Variants in CFTR observed in about 807,000 individuals in gnomAD.
The protein encoded by CFTR is cystic fibrosis transmembrane conductance regulator.
In CFTR, 181 loss-of-function variants were observed where a neutral mutation model predicts 171.6. The ratio of observed to expected loss-of-function variants is 1.05; its 90% CI spans 0.93 to 1.19. CFTR has a LOEUF of 1.19. CFTR is among the 50% of genes most tolerant of loss of function. The pLI is 0.00. For missense variants in CFTR, 1,968 were observed against 1,734.7 expected, an observed-to-expected ratio of 1.13 and a Z score of -2.39; for synonymous variants, 583 against 608.0, an observed-to-expected ratio of 0.96 and a Z score of 0.60.
At chr7:117,574,888 G>T (rs180803449) in intron 11 of CFTR, among the ~76,000 whole-genome samples, 8 of 151,698 alleles carry the variant, frequency 5.3e-5, no homozygotes, top group African/African-American at 1.9e-4. Context: ...TCTTGGCTAC[G>T]GTTATCTTTT....
Position 117,592,091 on chromosome 7 carries a change from T to C in CFTR, c.1924T>C (p.Ser642Pro), listed in dbSNP as rs758401664. 3.1e-6 allele frequency: 5 copies of C among 1,613,870 alleles called. No individual in the cohort carries two copies. The highest frequency in any genetic ancestry group is 4.2e-6 in the Non-Finnish European group (5 of 1,179,928). ...CCAAAATCTACAGCCAGACTTTAGC[T>C]CAAAACTCATGGGATGTGATTCTTT... ...ELQNLQPDFS[S>P]KLMGCDSFDQ... Residue 642 changes from serine to proline, a missense_variant, in exon 14 of 27, where the codon TCA becomes CCA. Ser to Pro is a moderately conservative substitution (Grantham distance 74, BLOSUM62 -1). Coordinates refer to ENST00000003084, the MANE Select transcript of CFTR (RefSeq NM_000492.4).
Position 117,606,691 on chromosome 7 carries a change from T to C in CFTR, c.2926T>C (p.Phe976Leu). ...TATTATAGGTGGGATTCTTAATAGA[T>C]TCTCCAAAGATATAGCAATTTTGGA... ...TLKAGGILNRFSKDIAILDDL... is the reference protein window; with the variant it reads ...TLKAGGILNRLSKDIAILDDL... Residue 976 changes from phenylalanine (F) to leucine (L), a missense_variant, in exon 18 of 27, where the codon TTC becomes CTC. Coordinates refer to ENST00000003084, the MANE Select transcript of CFTR (RefSeq NM_000492.4). 1 of 1,579,028 alleles carries C rather than the reference T, an allele frequency of 6.3e-7. No homozygotes were observed. Among genetic ancestry groups the C allele is most frequent in the Non-Finnish European group, 8.7e-7 (1 of 1,148,370 alleles).
chr7:117,541,991 T>C, intron 8 of CFTR, 25 bp from the exon 9 acceptor site: 1 of 1,124,790 alleles, frequency 8.9e-7, no homozygotes, highest in Non-Finnish European at 1.4e-6. Flanking sequence ...TTCTATAATA[T>C]GTTTTTGCTC....
At chr7:117,614,496 G>T (rs1459519151) in intron 20 of CFTR, 117 bp from the exon 21 acceptor site, 4 of 744,278 alleles carry the variant, frequency 5.4e-6, no homozygotes, top group African/African-American at 1.8e-5. Context: ...GTTAAAATTA[G>T]CATAAAATTG....
At chr7:117,545,661 T>C (rs1448116785) in intron 9 of CFTR, among the ~76,000 whole-genome samples, 1 of 152,174 alleles carries the variant, frequency 6.6e-6, no homozygotes, top group African/African-American at 2.4e-5. Context: ...AACATTCCTA[T>C]TAACATATTA....
intron 11 of CFTR, chr7:117,560,915 G>A (rs1487594604): frequency 1.3e-5 from 2 of 152,010 alleles, no homozygotes; most frequent in South Asian, 4.1e-4. Flanking sequence ...TAAATCATGG[G>A]CTTTATTTAC....
At chr7:117,534,114 A>G (rs1798906508) in intron 4 of CFTR, among the ~76,000 whole-genome samples, 162 bp from the exon 5 acceptor site, 2 of 152,204 alleles carry the variant, frequency 1.3e-5, no homozygotes, top group Admixed American at 6.5e-5. Context: ...AGAAACATTT[A>G]TGAACCTGAG....
intron 18 of CFTR, among the ~76,000 whole-genome samples, chr7:117,609,158 C>T (rs1792344685): frequency 6.6e-6 from 1 of 152,162 alleles, no homozygotes; most frequent in Non-Finnish European, 1.5e-5. Flanking sequence ...AATCTTCATT[C>T]TATTTTCTAA....
chr7:117,552,672 T>A (rs953519093), intron 10 of CFTR, among the ~76,000 whole-genome samples: 40 of 152,252 alleles, frequency 2.6e-4, no homozygotes, highest in Admixed American at 1.8e-3. Flanking sequence ...TCCAGGTAAC[T>A]TTTTTTAGTA....
At chr7:117,655,493 C>A (rs1562926771) in intron 24 of CFTR, among the ~76,000 whole-genome samples, 1 of 152,144 alleles carries the variant, frequency 6.6e-6, no homozygotes, top group Admixed American at 6.5e-5. Flanking sequence ...TGCTCATGAC[C>A]ACTTAGGTAT....
intron 24 of CFTR, among the ~76,000 whole-genome samples, chr7:117,658,270 C>G (rs2116207980): frequency 6.6e-6 from 1 of 152,142 alleles, no homozygotes; most frequent in African/African-American, 2.4e-5. Flanking sequence ...GGCATTGTGG[C>G]CCAATAAATT....
At chr7:117,614,441 A>T (rs1202820207) in intron 20 of CFTR, among the ~76,000 whole-genome samples, 172 bp from the exon 21 acceptor site, 2 of 152,144 alleles carry the variant, frequency 1.3e-5, no homozygotes, top group Non-Finnish European at 2.9e-5. Flanking sequence ...TATGCAGAGC[A>T]TTATTCTATT....
Position 117,603,680 on chromosome 7 carries a change from C to T in CFTR, c.2806C>T (p.Pro936Ser). Reference protein sequence around the residue: ...LLAMGFFRGLPLVHTLITVSK... With the variant: ...LLAMGFFRGLSLVHTLITVSK... The stretch of plus-strand genomic sequence containing the variant: ...TGCTATGGGATTCTTCAGAGGTCTA[C>T]CACTGGTGCATACTCTAATCACAGT... Residue 936 changes from proline to serine, a missense_variant, in exon 17 of 27, where the codon CCA becomes TCA. Pro to Ser is a moderately conservative substitution (Grantham distance 74). Transcript: ENST00000003084. 6.2e-7 allele frequency: 1 copy of T among 1,614,088 alleles called. No individual in the cohort carries two copies. Among genetic ancestry groups the T allele is most frequent in the South Asian group, 1.1e-5 (1 of 91,082 alleles).
At chr7:117,597,377 T>G (rs1792147939) in intron 15 of CFTR, among the ~76,000 whole-genome samples, 1 of 152,210 alleles carries the variant, frequency 6.6e-6, no homozygotes. Context: ...AACCCACCAA[T>G]TCCGGACACA....
chr7:117,502,819 A>G (rs1443079546), intron 1 of CFTR, among the ~76,000 whole-genome samples: 1 of 152,248 alleles, frequency 6.6e-6, no homozygotes, highest in South Asian at 2.1e-4. Context: ...TAAAATGCGG[A>G]TATTGCAAAT....
chr7:117,623,990 G>A (rs1792616435), intron 21 of CFTR, among the ~76,000 whole-genome samples: 1 of 151,908 alleles, frequency 6.6e-6, no homozygotes, highest in Admixed American at 6.6e-5. Flanking sequence ...GTTTGGATTT[G>A]GATTCTTTTT....
At chr7:117,493,168 A>C (rs1272390439) in intron 1 of CFTR, among the ~76,000 whole-genome samples, 1 of 152,024 alleles carries the variant, frequency 6.6e-6, no homozygotes, top group Non-Finnish European at 1.5e-5. Flanking sequence ...TGCCTATAAA[A>C]ATTATTTTCT....
intron 13 of CFTR, among the ~76,000 whole-genome samples, chr7:117,590,934 A>G (rs932018872): frequency 1.3e-5 from 2 of 151,976 alleles, no homozygotes; most frequent in Admixed American, 1.3e-4. Context: ...CAGGACTTAT[A>G]TTTCCTTGGA....
chr7:117,660,205 C>T lies in CFTR; in HGVS notation c.3964-4483C>T, dbSNP rs17140297. ...TTTCATTTATTTATTTTTAATGCTA[C>T]GTTGTAATGAAAATCATTGGAAAAC... On this transcript the variant is annotated intron_variant, in intron 24 of 26. Transcript: ENST00000003084. Among the ~76,000 whole-genome samples the T allele has an allele frequency of 3.3e-5, 5 of 151,792 alleles. No individual in the cohort carries two copies. The South Asian group carries it at 8.3e-4, about 25-fold the overall frequency.
Sources: allele counts gnomAD v4.1 joint callset (sites outside exome capture counted in the v4.1 genomes callset), GRCh38; gene constraint gnomAD v4.1.1; transcripts MANE v1.5; gene names NCBI Gene and HGNC (gene_info 2026-07-23, HGNC 2026-07-21).